GPATCH2L: variants seen among roughly 807,000 people sequenced by gnomAD.
GPATCH2L encodes G-patch domain containing 2 like.
In GPATCH2L, 31 loss-of-function variants were observed where a neutral mutation model predicts 57.4. That is an observed-to-expected ratio of 0.54 (90% CI 0.41 to 0.73). GPATCH2L has a LOEUF of 0.73. GPATCH2L is among the 30% of genes least tolerant of loss of function. GPATCH2L has a pLI of 0.00. For missense variants in GPATCH2L, 481 were observed against 599.9 expected, an observed-to-expected ratio of 0.80 and a Z score of 2.07; for synonymous variants, 199 against 210.7, an observed-to-expected ratio of 0.94 and a Z score of 0.48.
intron 2 of GPATCH2L, among the ~76,000 whole-genome samples, chr14:76,161,538 A>G (rs1182906558): frequency 6.6e-6 from 1 of 152,208 alleles, no homozygotes; most frequent in Non-Finnish European, 1.5e-5. Flanking sequence ...GGTTAGGAGT[A>G]TGAAAGAATT....
At chr14:76,190,351 A>AT (rs147698420) in intron 8 of GPATCH2L, among the ~76,000 whole-genome samples, 1,958 of 152,094 alleles carry the variant, frequency 0.013, 27 homozygotes, top group South Asian at 0.02. Flanking sequence ...TGAGATAAGA[A>AT]TTTTTTTTAA....
chr14:76,175,301 C>T (rs1209714232), intron 5 of GPATCH2L: 1 of 152,116 alleles, frequency 6.6e-6, no homozygotes, highest in Non-Finnish European at 1.5e-5. Context: ...ATAATATTTA[C>T]TTGTTTAATT....
Position 76,202,903 on chromosome 14 carries a change from G to A in GPATCH2L, c.*1052G>A, listed in dbSNP as rs1323148496. 6.6e-6 allele frequency: 1 copy of A among 152,388 alleles called. No homozygotes were observed. The highest frequency in any genetic ancestry group is 2.4e-5 in the African/African-American group (1 of 41,462). 9.4% of individuals were successfully genotyped at this position (152,388 alleles called of 1,614,324 possible). On this transcript the variant is annotated 3_prime_UTR_variant, in exon 10 of 10. Transcript: ENST00000261530. ...AATAAGTGATGGCCTGGAGCTGCTG[G>A]AGAGAAGCCACGCTTTCTAGAAAAT...
At chr14:76,218,706 T>C (rs1302423737), downstream of GPATCH2L, among the ~76,000 whole-genome samples, 1 of 151,604 alleles carries the variant, frequency 6.6e-6, no homozygotes, top group East Asian at 1.9e-4. Context: ...CTACTAGATA[T>C]TAAAATTTAT....
At chr14:76,194,484 AGT>A (rs59406744) in intron 8 of GPATCH2L, among the ~76,000 whole-genome samples, 73 of 151,158 alleles carry the variant, frequency 4.8e-4, no homozygotes, top group African/African-American at 4.4e-4. Flanking sequence ...GAGACATGAA[AGT>A]GTGTGTGTGT....
intron 7 of GPATCH2L, chr14:76,179,721 G>C (rs894844468): frequency 2.0e-5 from 3 of 152,168 alleles, no homozygotes; most frequent in Non-Finnish European, 2.9e-5. Context: ...TTTTAGAGAG[G>C]ACTGTTATGT....
intron 2 of GPATCH2L, among the ~76,000 whole-genome samples, chr14:76,230,969 G>A (rs943655861): frequency 1.3e-5 from 2 of 152,212 alleles, no homozygotes; most frequent in African/African-American, 2.4e-5. Flanking sequence ...ATAGTGGCCT[G>A]TGCCATGTTT....
In GPATCH2L at chr14:76,154,663, C is replaced by T. The variant is rs1432593456; in HGVS notation, c.300C>T (p.Leu100=). 3.1e-6 allele frequency: 5 copies of T among 1,614,204 alleles called. No homozygotes were observed. The highest frequency in any genetic ancestry group is 4.2e-6 in the Non-Finnish European group (5 of 1,180,036). The change falls in exon 2 of 10, where the codon CTC becomes CTT. Residue 100 remains leucine (L), a synonymous_variant. Coordinates refer to ENST00000261530, the MANE Select transcript of GPATCH2L (RefSeq NM_017926.4). This position sits in a 1 kb window ranked among gnomAD's most constrained non-coding sequence, Gnocchi z 4.4. The part of the protein sequence containing the change: ...DTMVAKRHPA[L]NAIVKSKQHS... The stretch of plus-strand genomic sequence containing the variant: ...TGGTAGCCAAACGACACCCAGCTCT[C>T]AATGCCATTGTCAAGAGTAAGCAAC...
At chr14:76,222,270 T>A (rs12587652) in intron 1 of GPATCH2L, among the ~76,000 whole-genome samples, 117,551 of 152,142 alleles carry the variant, frequency 0.77, 46,266 homozygotes, top group South Asian at 0.88. Context: ...CAGAAAATCC[T>A]CATGAAATGG....
At chr14:76,168,749 C>T (rs1367282624) in intron 3 of GPATCH2L, among the ~76,000 whole-genome samples, 1 of 152,210 alleles carries the variant, frequency 6.6e-6, no homozygotes, top group Non-Finnish European at 1.5e-5. Flanking sequence ...GTGTGCTCTT[C>T]CTAAAAGGGA....
intron 8 of GPATCH2L, among the ~76,000 whole-genome samples, chr14:76,181,130 A>G (rs1178833010): frequency 1.3e-5 from 2 of 152,178 alleles, no homozygotes; most frequent in Non-Finnish European, 2.9e-5. Context: ...TTCAAACAAC[A>G]TTATTAATGT....
intron 1 of GPATCH2L, among the ~76,000 whole-genome samples, chr14:76,228,065 T>C (rs1185431611): frequency 2.0e-5 from 3 of 152,202 alleles, no homozygotes; most frequent in Non-Finnish European, 4.4e-5. Context: ...TAACACAGTT[T>C]CCGGATCTGT....
At chr14:76,200,539 T>C (rs1479647074) in intron 9 of GPATCH2L, among the ~76,000 whole-genome samples, 1 of 152,188 alleles carries the variant, frequency 6.6e-6, no homozygotes, top group Non-Finnish European at 1.5e-5. Flanking sequence ...TTCCTGCTGC[T>C]GTGGTGACGT....
At chr14:76,218,593 C>T (rs948783671), downstream of GPATCH2L, among the ~76,000 whole-genome samples, 7 of 151,652 alleles carry the variant, frequency 4.6e-5, no homozygotes, top group Non-Finnish European at 8.8e-5. Context: ...TCACTTCTCT[C>T]GATTTACAAA....
chr14:76,193,993 A>G (rs1034982957), intron 8 of GPATCH2L, among the ~76,000 whole-genome samples: 1 of 152,012 alleles, frequency 6.6e-6, no homozygotes, highest in African/African-American at 2.4e-5. Context: ...TGTGTTCTAC[A>G]TTTCTCTGTT....
intron 8 of GPATCH2L, among the ~76,000 whole-genome samples, chr14:76,192,185 T>C (rs2039996514): frequency 6.6e-6 from 1 of 151,388 alleles, no homozygotes; most frequent in Admixed American, 6.6e-5. Flanking sequence ...TTCTGGGTCC[T>C]CTTCCTTCTT....
At chr14:76,182,172 A>G (rs900962303) in intron 8 of GPATCH2L, among the ~76,000 whole-genome samples, 3 of 152,008 alleles carry the variant, frequency 2.0e-5, no homozygotes, top group Admixed American at 1.3e-4. Context: ...CCTGGCTAAC[A>G]CGGTGAAAAC....
intron 2 of GPATCH2L, among the ~76,000 whole-genome samples, chr14:76,231,264 A>C (rs905913248): frequency 6.6e-6 from 1 of 152,166 alleles, no homozygotes; most frequent in African/African-American, 2.4e-5. Flanking sequence ...AGTGATTCAA[A>C]GGGTTTGCCA....
In GPATCH2L at chr14:76,214,143, T is replaced by C. The variant is rs979479953; in HGVS notation, c.*12292T>C. ...TTTTTTAAGGTACATTGGTATTTTATTGATATTATATGATATTAACTGATT... is the reference window on the plus strand; with the variant it reads ...TTTTTTAAGGTACATTGGTATTTTACTGATATTATATGATATTAACTGATT... On this transcript the variant is annotated 3_prime_UTR_variant, in exon 10 of 10. Coordinates refer to ENST00000261530, the MANE Select transcript of GPATCH2L (RefSeq NM_017926.4). 1 of 152,216 alleles carries C rather than the reference T, an allele frequency of 6.6e-6. No individual in the cohort carries two copies. The highest frequency in any genetic ancestry group is 1.5e-5 in the Non-Finnish European group (1 of 68,040). The allele number at this position is 152,216 out of a possible 1,614,324, so 9.4% of individuals were successfully genotyped here.
Sources: allele counts gnomAD v4.1 joint callset (sites outside exome capture counted in the v4.1 genomes callset), GRCh38; gene constraint gnomAD v4.1.1; non-coding constraint Gnocchi (gnomAD v3.1); transcripts MANE v1.5; gene names NCBI Gene and HGNC (gene_info 2026-07-23, HGNC 2026-07-21).